ATRNL1: variants seen among roughly 807,000 people sequenced by gnomAD.
ATRNL1 encodes the protein attractin like 1, also known as attractin-like protein 1.
Under a neutral mutation model 182.7 loss-of-function variants are expected in ATRNL1, and 95 were observed. The ratio of observed to expected loss-of-function variants is 0.52; its 90% CI spans 0.44 to 0.62. ATRNL1 has a LOEUF of 0.62. Among genes scored for constraint, ATRNL1 ranks in the 20% least tolerant of loss-of-function variants. The pLI is 0.00. For missense variants in ATRNL1, 1,471 were observed against 1,679.5 expected (o/e 0.88, Z 2.17); for synonymous variants, 576 against 568.3 (o/e 1.01, Z -0.19).
chr10:115,632,864 T>TTTTATTTTA (rs1858603626), intron 26 of ATRNL1, among the ~76,000 whole-genome samples: 6 of 136,532 alleles, frequency 4.4e-5, no homozygotes, highest in African/African-American at 1.6e-4. Context: ...TCACATTAAC[T>TTTTATTTTA]TTTTATTTTA....
intron 10 of ATRNL1, among the ~76,000 whole-genome samples, chr10:115,252,286 C>A (rs1286021990): frequency 6.6e-6 from 1 of 152,144 alleles, no homozygotes. Flanking sequence ...CTCGACCTCC[C>A]AAAGTGCTGG....
At position 115,469,293 on chromosome 10, in the gene ATRNL1, G is replaced by A; in HGVS notation, c.3618G>A (p.Val1206=). ...GCAATCCTAACATTACATTCTATGT[G>A]TACGTCAGCAACTTTTCCTGGCCTA... ...FRSNPNITFY[V]YVSNFSWPIK... The change falls in exon 24 of 29, where the codon GTG becomes GTA. Residue 1206 remains valine, a synonymous_variant. Coordinates refer to ENST00000355044, the MANE Select transcript of ATRNL1 (RefSeq NM_207303.4). 6.5e-7 allele frequency: 1 copy of A among 1,533,530 alleles called. No individual in the cohort carries two copies. Among genetic ancestry groups the A allele is most frequent in the South Asian group, 1.3e-5 (1 of 79,024 alleles). 95.0% of individuals were successfully genotyped at this position (1,533,530 alleles called of 1,614,324 possible). A position where few individuals can be genotyped will look rare whatever the true frequency, so the allele number is the denominator to read the frequency against.
chr10:115,886,101 A>C lies in ATRNL1; in HGVS notation c.4018+38110A>C, dbSNP rs17093707. ...CTGCTTAATAAGTAAATGATCATAT[A>C]GTTGGTTCCACCGAGTGAAACCAAA... On this transcript the variant is annotated intron_variant, in intron 28 of 28. Coordinates refer to ENST00000355044, the MANE Select transcript of ATRNL1 (RefSeq NM_207303.4). Among the ~76,000 whole-genome samples, 1,483 of 152,338 alleles carry C rather than the reference A, an allele frequency of 9.7e-3. 18 individuals are homozygous for C. Among genetic ancestry groups the C allele is most frequent in the African/African-American group, 0.033 (1,363 of 41,576 alleles).
At chr10:115,822,713 C>A (rs1427340692) in intron 27 of ATRNL1, among the ~76,000 whole-genome samples, 6 of 152,150 alleles carry the variant, frequency 3.9e-5, no homozygotes, top group Non-Finnish European at 8.8e-5. Flanking sequence ...CACATACACC[C>A]TTCCAAGACT....
chr10:115,663,456 T>G (rs1555038740), intron 26 of ATRNL1, among the ~76,000 whole-genome samples: 1 of 152,140 alleles, frequency 6.6e-6, no homozygotes, highest in East Asian at 1.9e-4. Flanking sequence ...CCTGTTACTG[T>G]GCTTAGAACA....
In ATRNL1 at chr10:115,788,541, G is replaced by A. The variant is rs554872776; in HGVS notation, c.3904-59336G>A. Among the ~76,000 whole-genome samples, 8 of 152,242 alleles carry A rather than the reference G, an allele frequency of 5.3e-5. No homozygotes were observed. The South Asian group carries it at 1.7e-3, about 32-fold the overall frequency. On this transcript the variant is annotated intron_variant, in intron 27 of 28. Coordinates refer to ENST00000355044, the MANE Select transcript of ATRNL1 (RefSeq NM_207303.4). ...TTATATTTCTAGTTGCCTACTTGAAGGTCTAATTAGCCAATTGCATATGCT... is the reference window on the plus strand; with the variant it reads ...TTATATTTCTAGTTGCCTACTTGAAAGTCTAATTAGCCAATTGCATATGCT...
intron 26 of ATRNL1, among the ~76,000 whole-genome samples, chr10:115,652,026 A>G (rs189106275): frequency 2.0e-5 from 3 of 152,280 alleles, no homozygotes; most frequent in South Asian, 2.1e-4. Context: ...TCTTTGTTCT[A>G]TACATTAAAT....
At chr10:115,600,418 A>G (rs10885752) in intron 26 of ATRNL1, among the ~76,000 whole-genome samples, 1 of 151,812 alleles carries the variant, frequency 6.6e-6, no homozygotes, top group Non-Finnish European at 1.5e-5. Flanking sequence ...ATGTAGTATT[A>G]TTGGTATTTT....
chr10:115,538,537 G>A (rs1235147321), intron 25 of ATRNL1, among the ~76,000 whole-genome samples: 3 of 151,988 alleles, frequency 2.0e-5, no homozygotes, highest in Non-Finnish European at 4.4e-5. Context: ...AGTTTTAATT[G>A]CTTTTTAGTT....
rs572445540 is a variant in ATRNL1 at position 115,824,967 on chromosome 10, A to G, written c.3904-22910A>G. 2.9e-3 allele frequency among the ~76,000 whole-genome samples: 447 copies of G among 152,342 alleles called. 1 individual carries two copies. Among genetic ancestry groups the G allele is most frequent in the Non-Finnish European group, 5.3e-3 (360 of 68,030 alleles). ...TATGTTTATTGCAGCACTGTTCACA[A>G]TAGCAAAGACTTGGAACCAACACAA... is the stretch of plus-strand genomic sequence containing the variant. On this transcript the variant is annotated intron_variant, in intron 27 of 28. Transcript: ENST00000355044.
intron 5 of ATRNL1, among the ~76,000 whole-genome samples, chr10:115,152,985 T>A (rs1846316278): frequency 6.6e-6 from 1 of 152,184 alleles, no homozygotes; most frequent in Admixed American, 6.5e-5. Context: ...CATGTGGTTT[T>A]TGTCTTTGGT....
intron 26 of ATRNL1, among the ~76,000 whole-genome samples, chr10:115,719,012 A>C (rs1947338025): frequency 6.6e-6 from 1 of 152,222 alleles, no homozygotes; most frequent in South Asian, 2.1e-4. Flanking sequence ...TCAATTAATT[A>C]TTACAGGCAA....
At chr10:115,187,834 A>G (rs1303306978) in intron 8 of ATRNL1, among the ~76,000 whole-genome samples, 1 of 151,562 alleles carries the variant, frequency 6.6e-6, no homozygotes, top group Non-Finnish European at 1.5e-5. Flanking sequence ...GGTGCGCGCC[A>G]GCATGCCTGG....
chr10:115,669,266 A>C (rs1945616741), intron 26 of ATRNL1, among the ~76,000 whole-genome samples: 1 of 152,088 alleles, frequency 6.6e-6, no homozygotes, highest in African/African-American at 2.4e-5. Flanking sequence ...TTTCTGACAG[A>C]ATATGATAGC....
intron 26 of ATRNL1, among the ~76,000 whole-genome samples, chr10:115,716,602 A>G (rs1356903366): frequency 6.6e-6 from 1 of 152,172 alleles, no homozygotes; most frequent in African/African-American, 2.4e-5. Context: ...GGGAGAAAAG[A>G]AATCTTTCTT....
chr10:115,860,326 A>G (rs1452401278), intron 28 of ATRNL1, among the ~76,000 whole-genome samples: 2 of 152,202 alleles, frequency 1.3e-5, no homozygotes, highest in Non-Finnish European at 2.9e-5. Context: ...AAGGATCATC[A>G]AATCAATAAC....
chr10:115,606,845 C>T (rs1241689507), intron 26 of ATRNL1, among the ~76,000 whole-genome samples: 1 of 151,994 alleles, frequency 6.6e-6, no homozygotes, highest in Non-Finnish European at 1.5e-5. Context: ...CTAGCCATGC[C>T]TGTTCTAGTA....
intron 9 of ATRNL1, among the ~76,000 whole-genome samples, chr10:115,231,370 A>G (rs1849944947): frequency 1.3e-5 from 2 of 152,152 alleles, no homozygotes; most frequent in Admixed American, 6.6e-5. Flanking sequence ...ACTTGACAAG[A>G]GAAGTTTCAG....
intron 17 of ATRNL1, 92 bp downstream of exon 17, chr10:115,302,135 T>A: frequency 4.1e-6 from 5 of 1,222,078 alleles, no homozygotes; most frequent in Non-Finnish European, 5.6e-6. Flanking sequence ...TGAAGAAGTT[T>A]CAAAAAATGA....
Sources: gnomAD v4.1 joint callset for allele counts (sites outside exome capture counted in the v4.1 genomes callset) on GRCh38, gnomAD v4.1.1 for gene constraint, MANE v1.5 for transcripts, NCBI Gene and HGNC (gene_info 2026-07-23, HGNC 2026-07-21) for gene names.